Variants in ARK2C observed in about 807,000 individuals in gnomAD.
ARK2C encodes the protein arkadia (RNF111) C-terminal like ring finger ubiquitin ligase 2C.
chr18:46,397,024 G>A, the ARK2C span, among the ~76,000 whole-genome samples: 2 of 152,188 alleles, frequency 1.3e-5, no homozygotes, highest in African/African-American at 4.8e-5. Flanking sequence ...CTGTGCGAGC[G>A]TGGCCCAGAT....
chr18:46,421,820 T>A, the ARK2C span, among the ~76,000 whole-genome samples: 1 of 152,168 alleles, frequency 6.6e-6, no homozygotes, highest in Non-Finnish European at 1.5e-5. Flanking sequence ...ATCAGTGTTT[T>A]GAGAGCAGGA....
chr18:46,372,749 G>A, the ARK2C span, among the ~76,000 whole-genome samples: 38 of 152,362 alleles, frequency 2.5e-4, no homozygotes, highest in East Asian at 3.3e-3. Flanking sequence ...TGGCCAGGCT[G>A]TTTTATCCAT....
the ARK2C span, chr18:46,450,850 G>A: frequency 2.3e-5 from 31 of 1,376,382 alleles, no homozygotes; most frequent in Admixed American, 1.4e-4. Context: ...GGGCAGGGGG[G>A]TTGTCTAATT....
chr18:46,389,267 T>C, the ARK2C span, among the ~76,000 whole-genome samples: 16 of 152,242 alleles, frequency 1.1e-4, no homozygotes, highest in African/African-American at 3.6e-4. Context: ...AACTGAAAGA[T>C]AGAGATTCAA....
At chr18:46,404,183 C>T in the ARK2C span, among the ~76,000 whole-genome samples, 6 of 152,122 alleles carry the variant, frequency 3.9e-5, no homozygotes, top group Non-Finnish European at 5.9e-5. Flanking sequence ...CTTGATTTCT[C>T]GAAAACTGCT....
At chr18:46,419,467 C>T in the ARK2C span, among the ~76,000 whole-genome samples, 1 of 152,164 alleles carries the variant, frequency 6.6e-6, no homozygotes, top group Non-Finnish European at 1.5e-5. Context: ...AGTCCAGAGA[C>T]AGGAAGTGGG....
chr18:46,362,198 C>T, the ARK2C span, among the ~76,000 whole-genome samples: 1 of 152,198 alleles, frequency 6.6e-6, no homozygotes, highest in Admixed American at 6.5e-5. Flanking sequence ...AATCTTTTCT[C>T]CACCAGGCCA....
the ARK2C span, among the ~76,000 whole-genome samples, chr18:46,422,132 CTGGG>C: frequency 6.6e-6 from 1 of 152,156 alleles, no homozygotes; most frequent in African/African-American, 2.4e-5. Flanking sequence ...GCCTTTGAAG[CTGGG>C]TTCTGGGCAG....
At chr18:46,409,479 G>A in the ARK2C span, among the ~76,000 whole-genome samples, 28 of 152,326 alleles carry the variant, frequency 1.8e-4, no homozygotes, top group South Asian at 5.8e-3. Context: ...AAATGACACT[G>A]AGAATCTGGA....
At chr18:46,459,507 C>G in the ARK2C span, 3 of 152,272 alleles carry the variant, frequency 2.0e-5, no homozygotes, top group African/African-American at 7.2e-5. Flanking sequence ...TCCCCTCCCC[C>G]CTCCCAATTC....
the ARK2C span, among the ~76,000 whole-genome samples, chr18:46,454,849 C>T: frequency 6.6e-6 from 1 of 152,164 alleles, no homozygotes; most frequent in Non-Finnish European, 1.5e-5. Context: ...GGGCTGATTT[C>T]GCTCACGACT....
the ARK2C span, among the ~76,000 whole-genome samples, chr18:46,354,391 G>A: frequency 7.2e-5 from 11 of 152,246 alleles, no homozygotes; most frequent in African/African-American, 1.9e-4. Flanking sequence ...CACACACTCA[G>A]GCTGTAATGA....
At chr18:46,380,285 C>A in the ARK2C span, among the ~76,000 whole-genome samples, 1 of 152,178 alleles carries the variant, frequency 6.6e-6, no homozygotes, top group Non-Finnish European at 1.5e-5. Flanking sequence ...CCTGGAAGGG[C>A]GTCTTGGAAG....
At chr18:46,457,026 G>A in the ARK2C span, 6 of 179,432 alleles carry the variant, frequency 3.3e-5, no homozygotes, top group African/African-American at 4.7e-5. Flanking sequence ...AACCATGTAG[G>A]GGTCTCTAGC....
At chr18:46,415,508 A>G in the ARK2C span, among the ~76,000 whole-genome samples, 12,047 of 152,050 alleles carry the variant, frequency 0.079, 980 homozygotes, top group East Asian at 0.39. Flanking sequence ...CCTGGGCGAC[A>G]GAACAAGGAT....
the ARK2C span, among the ~76,000 whole-genome samples, chr18:46,356,217 C>T: frequency 6.6e-6 from 1 of 152,186 alleles, no homozygotes; most frequent in Non-Finnish European, 1.5e-5. Flanking sequence ...AATCCGTGAC[C>T]AGCCGACCCT....
chr18:46,408,823 T>C, the ARK2C span, among the ~76,000 whole-genome samples: 4 of 152,218 alleles, frequency 2.6e-5, no homozygotes, highest in Non-Finnish European at 5.9e-5. Context: ...ACTTTGAGCT[T>C]AGATAGTCTG....
the ARK2C span, chr18:46,456,574 A>C: frequency 1.2e-6 from 2 of 1,614,166 alleles, no homozygotes; most frequent in Non-Finnish European, 1.7e-6. Flanking sequence ...GTGGCTCGCC[A>C]TGAGCAAGAA....
chr18:46,397,177 G>T, the ARK2C span, among the ~76,000 whole-genome samples: 7 of 152,350 alleles, frequency 4.6e-5, no homozygotes, highest in Non-Finnish European at 8.8e-5. Flanking sequence ...TGGAGGAGGA[G>T]GGTTGGCCTT....
Sources: allele counts gnomAD v4.1 joint callset (sites outside exome capture counted in the v4.1 genomes callset), GRCh38; gene constraint gnomAD v4.1.1; transcripts MANE v1.5; gene names NCBI Gene and HGNC (gene_info 2026-07-23, HGNC 2026-07-21).